Variants in OR51B5 observed in about 807,000 individuals in gnomAD.
OR51B5 encodes olfactory receptor family 51 subfamily B member 5.
For synonymous variants in OR51B5, 186 were observed against 144.8 expected (o/e 1.28, Z -2.04); for missense variants, 456 against 374.6 (o/e 1.22, Z -1.79).
chr11:5,365,534 C>G lies in OR51B5; in HGVS notation n.85-18624G>C, dbSNP rs150252314. Among the ~76,000 whole-genome samples the G allele has an allele frequency of 1.1e-4, 17 of 152,238 alleles. No homozygotes were observed. The East Asian group carries it at 3.3e-3, about 29-fold the overall frequency. On this transcript the variant is annotated intron_variant and non_coding_transcript_variant, in intron 1 of 4. Transcript: ENST00000415970. ...ACAGGATAGGATATGGCTGTACTACCTCGAAGTTTTTTCACAAAGCATATT... is the reference window on the plus strand; with the variant it reads ...ACAGGATAGGATATGGCTGTACTACGTCGAAGTTTTTTCACAAAGCATATT...
At chr11:5,428,336 A>T (rs1850480018) in intron 1 of OR51B5, among the ~76,000 whole-genome samples, 1 of 152,202 alleles carries the variant, frequency 6.6e-6, no homozygotes, top group South Asian at 2.1e-4. Context: ...ACTATAATAT[A>T]GTCTGTTAAA....
chr11:5,453,791 GTT>G (rs773828247), intron 1 of OR51B5: 391 of 1,614,180 alleles, frequency 2.4e-4, no homozygotes, highest in Middle Eastern at 1.6e-3. Flanking sequence ...TAATTCAGAT[GTT>G]TCTTATTCAC....
chr11:5,415,490 G>A (rs1169467438), intron 1 of OR51B5, among the ~76,000 whole-genome samples: 1 of 151,808 alleles, frequency 6.6e-6, no homozygotes, highest in Non-Finnish European at 1.5e-5. Context: ...TCCAGGAGCT[G>A]GTTTCTTGAA....
rs74995563 is a variant in OR51B5 at position 5,453,240 on chromosome 11, T to C, written n.84+52329A>G. 5.9e-3 allele frequency: 2,053 copies of C among 346,494 alleles called. 33 individuals are homozygous for C. The highest frequency in any genetic ancestry group is 0.039 in the African/African-American group (1,874 of 47,520). 21.5% of individuals were successfully genotyped at this position (346,494 alleles called of 1,614,324 possible). The stretch of plus-strand genomic sequence containing the variant: ...TATTATTGAAGTATTTGTCAATGTC[T>C]TCCTTGTTCATAAAATAGAGGGAAA... On this transcript the variant is annotated intron_variant and non_coding_transcript_variant, in intron 1 of 4. Transcript: ENST00000415970.
intron 1 of OR51B5, among the ~76,000 whole-genome samples, chr11:5,436,091 A>G (rs781507937): frequency 8.5e-5 from 13 of 152,166 alleles, no homozygotes; most frequent in Non-Finnish European, 1.9e-4. Context: ...TCTAAATAGG[A>G]GTTAAACTGA....
downstream of OR51B5, chr11:5,342,579 T>C (rs1564911558): frequency 8.3e-6 from 13 of 1,564,870 alleles, no homozygotes; most frequent in South Asian, 3.7e-5. Context: ...ACTGTGATGA[T>C]TGGAGATCAG....
chr11:5,357,636 C>T (rs11036986), intron 1 of OR51B5, among the ~76,000 whole-genome samples: 55,422 of 149,488 alleles, frequency 0.37, 10,510 homozygotes, highest in Non-Finnish European at 0.4. Context: ...CTGCACCAAG[C>T]GGACCTAATA....
chr11:5,347,873 G>A (rs1429492186), upstream of OR51B5, among the ~76,000 whole-genome samples: 1 of 152,112 alleles, frequency 6.6e-6, no homozygotes, highest in African/African-American at 2.4e-5. Flanking sequence ...TAAAATAAAT[G>A]TTCCTACCAG....
At chr11:5,385,829 A>G (rs1342007270) in intron 1 of OR51B5, among the ~76,000 whole-genome samples, 1 of 148,576 alleles carries the variant, frequency 6.7e-6, no homozygotes, top group South Asian at 2.1e-4. Flanking sequence ...TATAAAGAAT[A>G]TATAATGTAT....
intron 1 of OR51B5, among the ~76,000 whole-genome samples, chr11:5,444,962 T>G (rs747005780): frequency 4.6e-5 from 7 of 152,192 alleles, no homozygotes; most frequent in Non-Finnish European, 8.8e-5. Context: ...TCCTGAGACC[T>G]TCACAGATAC....
intron 1 of OR51B5, chr11:5,391,435 A>G (rs1457591264): frequency 6.6e-6 from 1 of 152,218 alleles, no homozygotes; most frequent in African/African-American, 2.4e-5. Context: ...TGACTAAATC[A>G]AGATCCCTGG....
intron 1 of OR51B5, among the ~76,000 whole-genome samples, chr11:5,377,297 G>C (rs1262842827): frequency 6.6e-6 from 1 of 152,212 alleles, no homozygotes; most frequent in Admixed American, 6.5e-5. Flanking sequence ...ATTAGGTATT[G>C]ATGGGACATA....
At chr11:5,485,105 C>G (rs1005559434) in intron 1 of OR51B5, among the ~76,000 whole-genome samples, 2 of 152,116 alleles carry the variant, frequency 1.3e-5, no homozygotes, top group Non-Finnish European at 2.9e-5. Context: ...AAGCAGATTT[C>G]CCATCATAGC....
At chr11:5,466,012 T>C (rs546460498) in intron 1 of OR51B5, among the ~76,000 whole-genome samples, 137 of 151,500 alleles carry the variant, frequency 9.0e-4, no homozygotes, top group African/African-American at 3.2e-3. Flanking sequence ...ATCATCAGAG[T>C]GAACAGGCAA....
intron 1 of OR51B5, chr11:5,351,677 T>C (rs746785925): frequency 6.2e-7 from 1 of 1,614,152 alleles, no homozygotes; most frequent in Non-Finnish European, 8.5e-7. Context: ...CATGAGCCCA[T>C]GTACTATTTC....
At chr11:5,351,806 A>G (rs1183444790) in intron 1 of OR51B5, 2 of 1,614,040 alleles carry the variant, frequency 1.2e-6, no homozygotes, top group South Asian at 1.1e-5. Context: ...TCTCAGGCCT[A>G]TTTTATCCAT....
chr11:5,462,033 T>C (rs990028271), intron 1 of OR51B5, among the ~76,000 whole-genome samples: 1 of 152,246 alleles, frequency 6.6e-6, no homozygotes, highest in Non-Finnish European at 1.5e-5. Context: ...TTCTATTTTT[T>C]AGGCTCGTTA....
chr11:5,362,070 G>C (rs904597537), intron 1 of OR51B5, among the ~76,000 whole-genome samples: 1 of 152,196 alleles, frequency 6.6e-6, no homozygotes, highest in African/African-American at 2.4e-5. Flanking sequence ...CATATTCCCA[G>C]AAATGAGCCT....
At chr11:5,471,662 A>G (rs1663069577) in intron 1 of OR51B5, among the ~76,000 whole-genome samples, 1 of 152,088 alleles carries the variant, frequency 6.6e-6, no homozygotes, top group South Asian at 2.1e-4. Flanking sequence ...TTGATCAAAT[A>G]AAACATTTTA....
Sources: gnomAD v4.1 joint callset for allele counts (sites outside exome capture counted in the v4.1 genomes callset) on GRCh38, gnomAD v4.1.1 for gene constraint, MANE v1.5 for transcripts, NCBI Gene and HGNC (gene_info 2026-07-23, HGNC 2026-07-21) for gene names.